LRMDA: variants seen among roughly 807,000 people sequenced by gnomAD.
LRMDA encodes the protein leucine-rich melanocyte differentiation-associated protein.
In LRMDA, 18 loss-of-function variants were observed where a neutral mutation model predicts 29.8. That is an observed-to-expected ratio of 0.60 (90% CI 0.42 to 0.90). The LOEUF (loss-of-function observed/expected upper bound fraction) is 0.90. Ranked by LOEUF, LRMDA falls within the 40% of genes least tolerant of loss-of-function variation. The pLI, the probability that LRMDA is intolerant of heterozygous loss-of-function variation, is 0.00. For synonymous variants in LRMDA, 125 were observed against 109.4 expected, an observed-to-expected ratio of 1.14 and a Z score of -0.89; for missense variants, 273 against 273.9, an observed-to-expected ratio of 1.00 and a Z score of 0.02.
intron 5 of LRMDA, among the ~76,000 whole-genome samples, chr10:76,286,888 C>A (rs1322563): frequency 0.51 from 76,806 of 151,992 alleles, 19,733 homozygotes; most frequent in African/African-American, 0.6. Context: ...AGCAGCTCTG[C>A]GCATCTTGAC....
chr10:76,191,716 C>T (rs1404958401), intron 5 of LRMDA, among the ~76,000 whole-genome samples: 2 of 152,180 alleles, frequency 1.3e-5, no homozygotes, highest in South Asian at 4.1e-4. Flanking sequence ...GTCCTTAAAT[C>T]CCATGAAGGG....
chr10:75,524,440 G>A (rs1845393016), intron 2 of LRMDA, among the ~76,000 whole-genome samples: 1 of 152,126 alleles, frequency 6.6e-6, no homozygotes, highest in South Asian at 2.1e-4. Context: ...TAGGGTCTTG[G>A]TGATGATTTA....
At chr10:75,457,062 C>G (rs1165929593) in intron 2 of LRMDA, among the ~76,000 whole-genome samples, 1 of 152,200 alleles carries the variant, frequency 6.6e-6, no homozygotes, top group Non-Finnish European at 1.5e-5. Context: ...TATCAGTTTT[C>G]CCTGATGACC....
At chr10:75,820,824 A>T (rs1844144824) in intron 2 of LRMDA, among the ~76,000 whole-genome samples, 1 of 152,194 alleles carries the variant, frequency 6.6e-6, no homozygotes. Context: ...GAAAAGTTAA[A>T]GGTGTCATTA....
intron 2 of LRMDA, among the ~76,000 whole-genome samples, chr10:75,754,434 T>C (rs998575086): frequency 2.0e-5 from 3 of 152,246 alleles, no homozygotes; most frequent in African/African-American, 4.8e-5. Flanking sequence ...TTTTCTCTTT[T>C]CATTTTCCCA....
rs79904566 is a variant in LRMDA, at chr10:76,398,746, C to A, written c.601+74261C>A. 1.0e-3 allele frequency among the ~76,000 whole-genome samples: 158 copies of A among 152,234 alleles called. 3 individuals carry two copies. In the East Asian group the frequency reaches 0.026, roughly 25 times the overall value. ...CTTGAAAGTTTGCTGAGTTTCGTAC[C>A]AGATAACAACTGGGAAGCCAGCTGA... is the stretch of plus-strand genomic sequence containing the variant. On this transcript the variant is annotated intron_variant, in intron 6 of 6. Coordinates refer to ENST00000611255, the MANE Select transcript of LRMDA (RefSeq NM_001305581.2).
chr10:75,477,424 G>A (rs1179267521), intron 2 of LRMDA, among the ~76,000 whole-genome samples: 3 of 152,126 alleles, frequency 2.0e-5, no homozygotes, highest in Non-Finnish European at 4.4e-5. Context: ...TAATACCCTT[G>A]CCCTAGGAAA....
chr10:76,406,501 T>C (rs1333457064), intron 6 of LRMDA, among the ~76,000 whole-genome samples: 1 of 152,236 alleles, frequency 6.6e-6, no homozygotes, highest in Non-Finnish European at 1.5e-5. Flanking sequence ...GCCTCTATGT[T>C]CTAAAGACAA....
intron 2 of LRMDA, among the ~76,000 whole-genome samples, chr10:76,014,807 G>A (rs958415674): frequency 3.9e-5 from 6 of 152,170 alleles, no homozygotes; most frequent in Admixed American, 2.6e-4. Flanking sequence ...ATCAGTGAGC[G>A]TGGCTCAGCC....
intron 2 of LRMDA, among the ~76,000 whole-genome samples, chr10:75,952,983 G>C (rs1485980039): frequency 6.6e-6 from 1 of 152,026 alleles, no homozygotes; most frequent in Admixed American, 6.6e-5. Flanking sequence ...TTGAACTCCA[G>C]ATCTCAGGTT....
chr10:75,489,245 A>AAG (rs1172954524), intron 2 of LRMDA, among the ~76,000 whole-genome samples: 9 of 151,764 alleles, frequency 5.9e-5, no homozygotes, highest in South Asian at 2.1e-4. Flanking sequence ...AAAAAAAAAA[A>AAG]AATTTCACTA....
At chr10:75,988,594 A>G (rs561302798) in intron 2 of LRMDA, among the ~76,000 whole-genome samples, 14 of 151,954 alleles carry the variant, frequency 9.2e-5, no homozygotes, top group South Asian at 6.3e-4. Flanking sequence ...TCTTTCAATG[A>G]CAATATACTA....
At chr10:76,089,786 G>A (rs1187876071) in intron 5 of LRMDA, among the ~76,000 whole-genome samples, 1 of 152,120 alleles carries the variant, frequency 6.6e-6, no homozygotes, top group Non-Finnish European at 1.5e-5. Context: ...TAAGAGTAGA[G>A]AATAGGGAAC....
At chr10:76,291,033 GGGT>G (rs1840334140) in intron 5 of LRMDA, among the ~76,000 whole-genome samples, 1 of 152,062 alleles carries the variant, frequency 6.6e-6, no homozygotes, top group Non-Finnish European at 1.5e-5. Flanking sequence ...TCAAAATGAC[GGGT>G]TTTGGGAGCA....
intron 6 of LRMDA, among the ~76,000 whole-genome samples, chr10:76,408,305 T>G (rs1841923353): frequency 6.6e-6 from 1 of 152,192 alleles, no homozygotes; most frequent in Admixed American, 6.5e-5. Flanking sequence ...CAAGTAGAAC[T>G]AGACAGAGGG....
chr10:76,067,845 T>C (rs997836619), intron 5 of LRMDA, among the ~76,000 whole-genome samples: 10 of 152,224 alleles, frequency 6.6e-5, no homozygotes, highest in Admixed American at 5.9e-4. Flanking sequence ...GACCAGGGCC[T>C]TGCTGTCTTT....
chr10:76,128,203 G>A (rs61247343), intron 5 of LRMDA, among the ~76,000 whole-genome samples: 2,295 of 152,276 alleles, frequency 0.015, 67 homozygotes, highest in African/African-American at 0.052. Flanking sequence ...CGGGAAAAGC[G>A]GGTTCTAGAT....
chr10:76,043,918 G>C (rs953293482), intron 3 of LRMDA, among the ~76,000 whole-genome samples: 3 of 152,222 alleles, frequency 2.0e-5, no homozygotes, highest in Non-Finnish European at 4.4e-5. Context: ...TAAGAGGAAA[G>C]TAGGTTTTGG....
At chr10:75,644,935 A>G (rs1841497612) in intron 2 of LRMDA, among the ~76,000 whole-genome samples, 1 of 151,684 alleles carries the variant, frequency 6.6e-6, no homozygotes. Context: ...AGTGGTGTCT[A>G]TTCATGTGTT....
Sources: allele counts gnomAD v4.1 joint callset (sites outside exome capture counted in the v4.1 genomes callset), GRCh38; gene constraint gnomAD v4.1.1; transcripts MANE v1.5; gene names NCBI Gene and HGNC (gene_info 2026-07-23, HGNC 2026-07-21).